The following LSAMP variants were observed in gnomAD, a reference collection of about 807,000 sequenced individuals.
The protein encoded by LSAMP is limbic system-associated membrane protein.
In LSAMP, 7 loss-of-function variants were observed where a neutral mutation model predicts 38.6. That is an observed-to-expected ratio of 0.18 (90% CI 0.10 to 0.34). LSAMP has a LOEUF of 0.34. Ranked by LOEUF, LSAMP falls within the 10% of genes least tolerant of loss-of-function variation. The pLI, the probability that LSAMP is intolerant of heterozygous loss-of-function variation, is 1.00. For synonymous variants in LSAMP, 154 were observed against 166.8 expected, an observed-to-expected ratio of 0.92 and a Z score of 0.59; for missense variants, 313 against 420.0, an observed-to-expected ratio of 0.75 and a Z score of 2.23.
chr3:115,802,876 G>C lies in LSAMP; in HGVS notation c.*7441C>G, dbSNP rs548149185. The stretch of plus-strand genomic sequence containing the variant: ...TGTTCTCTTTTGCTTCTCTCCCCCT[G>C]AATTTCTTCCCTTTAACCTCCCTAC... On this transcript the variant is annotated 3_prime_UTR_variant, in exon 7 of 7. Transcript: ENST00000490035. 6.6e-6 allele frequency: 1 copy of C among 152,234 alleles called. No homozygotes were observed. The highest frequency in any genetic ancestry group is 1.9e-4 in the East Asian group (1 of 5,176). 9.4% of individuals were successfully genotyped at this position (152,234 alleles called of 1,614,324 possible). A position where few individuals can be genotyped will look rare whatever the true frequency, so the allele number is the denominator to read the frequency against.
chr3:116,094,975 C>G (rs540176232), intron 1 of LSAMP, among the ~76,000 whole-genome samples: 1 of 152,090 alleles, frequency 6.6e-6, no homozygotes, highest in African/African-American at 2.4e-5. Context: ...TTCATAGTCT[C>G]TCATTGTAAA....
rs1490198423 is a variant in LSAMP at position 115,852,575 on chromosome 3, C to A, written c.557G>T (p.Gly186Val). The A allele has an allele frequency of 1.9e-6, 3 of 1,613,716 alleles. No homozygotes were observed. Among genetic ancestry groups the A allele is most frequent in the Non-Finnish European group, 2.5e-6 (3 of 1,179,886 alleles). Residue 186 changes from glycine to valine, a missense_variant, in exon 4 of 7, where the codon GGC (glycine) becomes GTC (valine). By Grantham distance (109) the Gly-to-Val change is moderately radical. Coordinates refer to ENST00000490035, the MANE Select transcript of LSAMP (RefSeq NM_002338.5). The part of the protein sequence containing the change: ...EGEEEYLEIL[G>V]ITREQSGKYE... ...TTTGCCTGACTGCTCCCTGGTGATG[C>A]CAAGGATCTCCAGATATTCTTCTTC...
intron 1 of LSAMP, among the ~76,000 whole-genome samples, chr3:116,354,305 A>G (rs940188268): frequency 1.3e-5 from 2 of 152,120 alleles, no homozygotes; most frequent in Admixed American, 6.6e-5. Context: ...TGCAAACTCC[A>G]CACCTTATTG....
chr3:115,901,811 A>C (rs1044325682), intron 3 of LSAMP, among the ~76,000 whole-genome samples: 1 of 152,194 alleles, frequency 6.6e-6, no homozygotes, highest in African/African-American at 2.4e-5. Flanking sequence ...AAAATATCAC[A>C]CTTTACAAGT....
intron 3 of LSAMP, among the ~76,000 whole-genome samples, chr3:115,960,290 A>C (rs1938583713): frequency 6.6e-6 from 1 of 152,182 alleles, no homozygotes; most frequent in Admixed American, 6.5e-5. Context: ...AACAACCTAC[A>C]AGCCAAGGGA....
chr3:115,996,237 A>T (rs1939811317), intron 3 of LSAMP, among the ~76,000 whole-genome samples: 1 of 152,114 alleles, frequency 6.6e-6, no homozygotes. Flanking sequence ...TAAAATAGCC[A>T]AACCATAGAA....
Position 116,185,274 on chromosome 3 carries a change from T to G in LSAMP, c.156-98718A>C, listed in dbSNP as rs557183187. The stretch of plus-strand genomic sequence containing the variant: ...AATGTAGTTAGTTACTTACCTCATC[T>G]GAAAATCTTATCATGTCTTTTTTCC... On this transcript the variant is annotated intron_variant, in intron 1 of 6. Transcript: ENST00000490035. 2.8e-4 allele frequency among the ~76,000 whole-genome samples: 43 copies of G among 152,142 alleles called. No homozygotes were observed. The South Asian group carries it at 4.8e-3, about 17-fold the overall frequency.
chr3:115,882,442 T>G lies in LSAMP; in HGVS notation c.515-29825A>C, dbSNP rs1299095229. Among the ~76,000 whole-genome samples, 3 of 152,120 alleles carry G rather than the reference T, an allele frequency of 2.0e-5. No individual in the cohort carries two copies. In the East Asian group the frequency reaches 5.8e-4, roughly 29 times the overall value. On this transcript the variant is annotated intron_variant, in intron 3 of 6. Transcript: ENST00000490035. ...TTTTTCCAGATACATTCTGATTCAG[T>G]AACTGCTGAATAATAAGTGGTTTTC...
chr3:116,088,085 G>T (rs1708033561), intron 1 of LSAMP, among the ~76,000 whole-genome samples: 1 of 151,844 alleles, frequency 6.6e-6, no homozygotes. Context: ...TAGAGATGGG[G>T]TCTTGCTGTG....
At chr3:116,205,616 T>C (rs1346259722) in intron 1 of LSAMP, among the ~76,000 whole-genome samples, 8 of 50,578 alleles carry the variant, frequency 1.6e-4, no homozygotes, top group Admixed American at 5.3e-4. Context: ...GCATGAAGGG[T>C]TGTTGAATTT....
intron 1 of LSAMP, among the ~76,000 whole-genome samples, chr3:116,380,959 C>A (rs1442141383): frequency 3.9e-5 from 6 of 151,958 alleles, no homozygotes; most frequent in African/African-American, 1.5e-4. Context: ...CTGCTGCTTC[C>A]TATGTTATAT....
At chr3:115,894,036 C>T (rs1936668146) in intron 3 of LSAMP, among the ~76,000 whole-genome samples, 1 of 152,016 alleles carries the variant, frequency 6.6e-6, no homozygotes, top group Non-Finnish European at 1.5e-5. Flanking sequence ...TCTGCTTTCT[C>T]CCTTTTCACT....
intron 1 of LSAMP, among the ~76,000 whole-genome samples, chr3:116,282,775 A>T (rs1424681235): frequency 2.0e-5 from 3 of 150,668 alleles, no homozygotes; most frequent in Non-Finnish European, 4.4e-5. Flanking sequence ...CCCCAAAAAA[A>T]TGAGAGGCTC....
chr3:116,399,610 C>T (rs1470697807), intron 1 of LSAMP, among the ~76,000 whole-genome samples: 2 of 152,142 alleles, frequency 1.3e-5, no homozygotes. Flanking sequence ...GAGGTTTTGT[C>T]AATAAGCAGA....
At chr3:116,022,863 C>G (rs1940677015) in intron 2 of LSAMP, among the ~76,000 whole-genome samples, 1 of 152,152 alleles carries the variant, frequency 6.6e-6, no homozygotes, top group Non-Finnish European at 1.5e-5. Context: ...CACAGACACC[C>G]AAGTTTCAAC....
At chr3:116,162,212 T>C (rs1332488052) in intron 1 of LSAMP, among the ~76,000 whole-genome samples, 1 of 152,194 alleles carries the variant, frequency 6.6e-6, no homozygotes, top group Non-Finnish European at 1.5e-5. Context: ...TGGCTGGTAA[T>C]AAGTGGTCTT....
chr3:116,344,831 A>G (rs1195142522), intron 1 of LSAMP, among the ~76,000 whole-genome samples: 1 of 152,184 alleles, frequency 6.6e-6, no homozygotes, highest in Non-Finnish European at 1.5e-5. Flanking sequence ...AAGTTTGACT[A>G]ACTCCAAAGT....
intron 2 of LSAMP, among the ~76,000 whole-genome samples, chr3:116,055,395 CTG>C (rs1941473048): frequency 6.6e-6 from 1 of 152,128 alleles, no homozygotes; most frequent in Admixed American, 6.5e-5. Flanking sequence ...AACACATAAA[CTG>C]TGTGCATATT....
At chr3:116,287,038 T>C (rs1195470587) in intron 1 of LSAMP, among the ~76,000 whole-genome samples, 1 of 151,806 alleles carries the variant, frequency 6.6e-6, no homozygotes, top group Admixed American at 6.6e-5. Context: ...TTGCTTCCCT[T>C]GTAATAGCCA....
Sources: gnomAD v4.1 joint callset for allele counts (sites outside exome capture counted in the v4.1 genomes callset) on GRCh38, gnomAD v4.1.1 for gene constraint, MANE v1.5 for transcripts, NCBI Gene and HGNC (gene_info 2026-07-23, HGNC 2026-07-21) for gene names.